ROBO2: variants seen among roughly 807,000 people sequenced by gnomAD.
The protein encoded by ROBO2 is roundabout homolog 2.
A neutral mutation model predicts 160.8 loss-of-function variants in ROBO2; 53 were observed. The ratio of observed to expected loss-of-function variants is 0.33; its 90% confidence interval spans 0.26 to 0.41. ROBO2 has a LOEUF of 0.41. Among genes scored for constraint, ROBO2 ranks in the 10% least tolerant of loss-of-function variants. The pLI, the probability that ROBO2 is intolerant of heterozygous loss-of-function variation, is 1.00. For missense variants in ROBO2, 1,577 were observed against 1,722.4 expected, an observed-to-expected ratio of 0.92 and a Z score of 1.49; for synonymous variants, 664 against 611.7, an observed-to-expected ratio of 1.09 and a Z score of -1.26.
chr3:76,391,636 C>G (rs1184859468), intron 2 of ROBO2, among the ~76,000 whole-genome samples: 1 of 152,046 alleles, frequency 6.6e-6, no homozygotes, highest in Non-Finnish European at 1.5e-5. Flanking sequence ...ATTCTCCTGC[C>G]TCAGGCTCCC....
At chr3:76,764,856 A>G (rs1033802303) in intron 2 of ROBO2, among the ~76,000 whole-genome samples, 7 of 151,630 alleles carry the variant, frequency 4.6e-5, no homozygotes, top group African/African-American at 1.2e-4. Flanking sequence ...AACTCTATGC[A>G]TATATATTTT....
intron 2 of ROBO2, among the ~76,000 whole-genome samples, chr3:76,364,651 A>C (rs2075709093): frequency 6.6e-6 from 1 of 151,982 alleles, no homozygotes; most frequent in South Asian, 2.1e-4. Context: ...ATTCCTAGGA[A>C]ATATCTGATT....
chr3:76,082,189 A>T (rs1332018497), intron 2 of ROBO2, among the ~76,000 whole-genome samples: 1 of 152,172 alleles, frequency 6.6e-6, no homozygotes, highest in Non-Finnish European at 1.5e-5. Flanking sequence ...ACACCATGAC[A>T]AAGTAGGTAT....
chr3:76,660,822 G>T (rs1307707015), intron 2 of ROBO2, among the ~76,000 whole-genome samples: 2 of 152,046 alleles, frequency 1.3e-5, no homozygotes, highest in Non-Finnish European at 1.5e-5. Flanking sequence ...CACTCAAAAA[G>T]AATTTACAGC....
At chr3:76,949,055 T>G (rs1385479047) in intron 2 of ROBO2, among the ~76,000 whole-genome samples, 1 of 150,686 alleles carries the variant, frequency 6.6e-6, no homozygotes, top group Non-Finnish European at 1.5e-5. Flanking sequence ...CTGGCCATAA[T>G]TTAAATTTTC....
intron 2 of ROBO2, among the ~76,000 whole-genome samples, chr3:76,900,977 T>G (rs2148873320): frequency 6.6e-6 from 1 of 152,308 alleles, no homozygotes. Context: ...AGCCAAATTA[T>G]TGCTTAGGAA....
chr3:76,568,052 C>T (rs983620346), intron 2 of ROBO2, among the ~76,000 whole-genome samples: 1 of 151,232 alleles, frequency 6.6e-6, no homozygotes, highest in African/African-American at 2.4e-5. Flanking sequence ...CGGGCTCAAG[C>T]GATCCACCAG....
chr3:76,432,098 C>T (rs975482632), intron 2 of ROBO2, among the ~76,000 whole-genome samples: 2 of 152,032 alleles, frequency 1.3e-5, no homozygotes, highest in African/African-American at 2.4e-5. Context: ...CATTTGGTCT[C>T]CTACAAAGTT....
At chr3:76,230,834 C>A (rs757135782) in intron 2 of ROBO2, among the ~76,000 whole-genome samples, 1 of 152,110 alleles carries the variant, frequency 6.6e-6, no homozygotes, top group Non-Finnish European at 1.5e-5. Flanking sequence ...AAAATGAGGT[C>A]ATTAGGGTGA....
At chr3:76,292,681 A>C (rs1350463734) in intron 2 of ROBO2, among the ~76,000 whole-genome samples, 2 of 152,174 alleles carry the variant, frequency 1.3e-5, no homozygotes, top group Non-Finnish European at 2.9e-5. Context: ...TAGAAAGAAA[A>C]ATCCCTTCAT....
chr3:77,229,730 G>T (rs546766939), intron 2 of ROBO2, among the ~76,000 whole-genome samples: 1 of 151,856 alleles, frequency 6.6e-6, no homozygotes, highest in South Asian at 2.1e-4. Context: ...AGAATAGGAA[G>T]GGGAGACCAG....
chr3:75,973,117 T>C lies in ROBO2; in HGVS notation c.109+35515T>C, dbSNP rs1004432315. Among the ~76,000 whole-genome samples the C allele has an allele frequency of 7.9e-5, 12 of 151,820 alleles. No individual in the cohort carries two copies. In the South Asian group the frequency reaches 2.5e-3, roughly 31 times the overall value. ...CAGGCAATCAATTACTAATTAGTGG[T>C]TAGTTAACAAGAAATAAATAAAACT... is the stretch of plus-strand genomic sequence containing the variant. On this transcript the variant is annotated intron_variant, in intron 2 of 26. Coordinates refer to the ROBO2 transcript ENST00000487694.
chr3:76,658,806 T>C (rs954314672), intron 2 of ROBO2, among the ~76,000 whole-genome samples: 3 of 152,326 alleles, frequency 2.0e-5, no homozygotes, highest in African/African-American at 4.8e-5. Flanking sequence ...TTTAACTTAA[T>C]AGTGTTTCTT....
At chr3:75,934,874 TAAG>T (rs1470420334) in intron 1 of ROBO2, among the ~76,000 whole-genome samples, 1 of 152,090 alleles carries the variant, frequency 6.6e-6, no homozygotes, top group Non-Finnish European at 1.5e-5. Context: ...TGGATGTAGG[TAAG>T]AAGAAGTTAA....
At chr3:77,521,475 T>C (rs2090591290) in intron 5 of ROBO2, among the ~76,000 whole-genome samples, 1 of 151,252 alleles carries the variant, frequency 6.6e-6, no homozygotes, top group African/African-American at 2.4e-5. Context: ...TCGATTTTTA[T>C]AGTATGGTAA....
intron 2 of ROBO2, among the ~76,000 whole-genome samples, chr3:76,579,292 A>G (rs985793235): frequency 2.0e-5 from 3 of 152,186 alleles, no homozygotes; most frequent in South Asian, 2.1e-4. Flanking sequence ...TCAATTTCAT[A>G]TATCTCCAGT....
intron 2 of ROBO2, among the ~76,000 whole-genome samples, chr3:77,354,470 G>C (rs1336499888): frequency 6.6e-6 from 1 of 152,048 alleles, no homozygotes; most frequent in Non-Finnish European, 1.5e-5. Context: ...TCTGGAAAAA[G>C]AGTGTAAACA....
At position 76,058,286 on chromosome 3, in the gene ROBO2, A is replaced by G. The variant is rs548131854; in HGVS notation, c.109+120684A>G. Among the ~76,000 whole-genome samples, 16 of 152,156 alleles carry G rather than the reference A, an allele frequency of 1.1e-4. 1 individual carries two copies. The South Asian group carries it at 2.7e-3, about 26-fold the overall frequency. ...ACCCTCCAACAGGCCCCAGTGTGTG[A>G]TGTTCCCCTCCCTGTGTCCATGTGT... On this transcript the variant is annotated intron_variant, in intron 2 of 26. Coordinates refer to the ROBO2 transcript ENST00000487694.
intron 2 of ROBO2, among the ~76,000 whole-genome samples, chr3:77,475,929 C>T (rs1297041225): frequency 2.0e-5 from 3 of 152,132 alleles, no homozygotes; most frequent in Non-Finnish European, 4.4e-5. Context: ...AAATGGAACA[C>T]ATTTCTTTAG....
Sources: gnomAD v4.1 joint callset for allele counts (sites outside exome capture counted in the v4.1 genomes callset) on GRCh38, gnomAD v4.1.1 for gene constraint, MANE v1.5 for transcripts, NCBI Gene and HGNC (gene_info 2026-07-23, HGNC 2026-07-21) for gene names.